FNIP1: variants seen among roughly 807,000 people sequenced by gnomAD.
FNIP1 encodes folliculin-interacting protein 1.
A neutral mutation model predicts 124.5 loss-of-function variants in FNIP1; 40 were observed. That is an observed-to-expected ratio of 0.32 (90% confidence interval 0.25 to 0.42). The LOEUF is 0.42. Among genes scored for constraint, FNIP1 ranks in the 10% least tolerant of loss-of-function variants. FNIP1 has a pLI of 1.00. For synonymous variants in FNIP1, 472 were observed against 470.6 expected, an observed-to-expected ratio of 1.00 and a Z score of -0.04; for missense variants, 1,176 against 1,403.7, an observed-to-expected ratio of 0.84 and a Z score of 2.59.
intron 1 of FNIP1, among the ~76,000 whole-genome samples, chr5:131,760,982 T>C (rs921081987): frequency 9.9e-5 from 15 of 152,022 alleles, no homozygotes; most frequent in South Asian, 2.1e-4. Context: ...ACATTCCCAA[T>C]ACAGCAACAT....
Position 131,792,247 on chromosome 5 carries a change from G to A in FNIP1, c.92+4583C>T, listed in dbSNP as rs534735025. Among the ~76,000 whole-genome samples the A allele has an allele frequency of 9.4e-5, 14 of 148,354 alleles. 3 individuals are homozygous for A. The highest frequency in any genetic ancestry group is 3.3e-4 in the African/African-American group (13 of 39,680). On this transcript the variant is annotated intron_variant, in intron 1 of 17. Coordinates refer to ENST00000510461, the MANE Select transcript of FNIP1 (RefSeq NM_133372.3). ...GCGATCTCAGCTCACTGCAACCTCC[G>A]CCTCCCGGGTTCAAGCGATTCTCCT... is the stretch of plus-strand genomic sequence containing the variant.
Position 131,733,589 on chromosome 5 carries a change from C to T in FNIP1, c.220-2551G>A, listed in dbSNP as rs199957524. 2.9e-3 allele frequency among the ~76,000 whole-genome samples: 436 copies of T among 151,910 alleles called. 2 individuals are homozygous for T. The highest frequency in any genetic ancestry group is 4.3e-3 in the Non-Finnish European group (289 of 67,924). On this transcript the variant is annotated intron_variant, in intron 2 of 17. Transcript: ENST00000510461. ...TTTTCTGCATCTATTGAGATAATCA[C>T]GTGGTTTTTGTCTTTGGTTCTGTTT...
intron 11 of FNIP1, among the ~76,000 whole-genome samples, chr5:131,689,368 A>T (rs533538465): frequency 6.6e-6 from 1 of 152,214 alleles, no homozygotes; most frequent in African/African-American, 2.4e-5. Flanking sequence ...ACATAAAAAG[A>T]GTATCCAAAA....
intron 2 of FNIP1, among the ~76,000 whole-genome samples, chr5:131,733,809 G>A (rs893731378): frequency 4.6e-5 from 7 of 152,214 alleles, no homozygotes; most frequent in African/African-American, 1.7e-4. Flanking sequence ...TTGTGTCTCT[G>A]CCAGGCTTTG....
intron 2 of FNIP1, among the ~76,000 whole-genome samples, chr5:131,736,451 C>T (rs1211305301): frequency 6.6e-6 from 1 of 152,164 alleles, no homozygotes; most frequent in Non-Finnish European, 1.5e-5. Context: ...TTTCATCAGT[C>T]AACAAAAGTA....
intron 13 of FNIP1, among the ~76,000 whole-genome samples, chr5:131,677,387 T>C (rs937262573): frequency 3.9e-5 from 6 of 152,254 alleles, no homozygotes; most frequent in Non-Finnish European, 5.9e-5. Flanking sequence ...CCGGTGACTG[T>C]TGATTTATTC....
At chr5:131,737,213 C>T (rs1193290125) in intron 2 of FNIP1, among the ~76,000 whole-genome samples, 1 of 152,180 alleles carries the variant, frequency 6.6e-6, no homozygotes, top group Non-Finnish European at 1.5e-5. Flanking sequence ...ACCTTGTCCC[C>T]TCATTACAGG....
intron 6 of FNIP1, among the ~76,000 whole-genome samples, chr5:131,715,027 C>T (rs1432711029): frequency 6.6e-6 from 1 of 152,100 alleles, no homozygotes; most frequent in African/African-American, 2.4e-5. Flanking sequence ...CACAAAAAAT[C>T]CTTGATTCAC....
At chr5:131,758,963 T>A (rs945419563) in intron 1 of FNIP1, among the ~76,000 whole-genome samples, 6 of 151,990 alleles carry the variant, frequency 3.9e-5, no homozygotes, top group African/African-American at 1.2e-4. Context: ...ACACAGCATA[T>A]CTGTGGTGTT....
chr5:131,655,658 C>T (rs924850333), intron 15 of FNIP1, among the ~76,000 whole-genome samples: 6 of 152,144 alleles, frequency 3.9e-5, no homozygotes, highest in African/African-American at 1.2e-4. Context: ...GGAGCAGTTC[C>T]GCTCTCCAAT....
At position 131,793,499 on chromosome 5, in the gene FNIP1, A is replaced by G. The variant is rs114571200; in HGVS notation, c.92+3331T>C. ...AATTACTGTCTCAATTCTATAAATG[A>G]CTGAAAAAATACACTCCCCATAATA... is the stretch of plus-strand genomic sequence containing the variant. On this transcript the variant is annotated intron_variant, in intron 1 of 17. Coordinates refer to ENST00000510461, the MANE Select transcript of FNIP1 (RefSeq NM_133372.3). 9.5e-3 allele frequency among the ~76,000 whole-genome samples: 1,452 copies of G among 152,290 alleles called. 24 individuals are homozygous for G. Among genetic ancestry groups the G allele is most frequent in the African/African-American group, 0.032 (1,348 of 41,554 alleles).
chr5:131,691,150 C>A (rs754990124), intron 11 of FNIP1, among the ~76,000 whole-genome samples: 1 of 152,148 alleles, frequency 6.6e-6, no homozygotes, highest in African/African-American at 2.4e-5. Flanking sequence ...ACAAATCATA[C>A]AATGTATGTT....
chr5:131,773,333 G>C (rs569185219), intron 1 of FNIP1, among the ~76,000 whole-genome samples: 1 of 152,254 alleles, frequency 6.6e-6, no homozygotes, highest in African/African-American at 2.4e-5. Context: ...ACTACCCACT[G>C]AAGTGTCAGT....
At chr5:131,647,272 C>A in intron 16 of FNIP1, 67 bp from the exon 17 acceptor site, 1 of 1,120,208 alleles carries the variant, frequency 8.9e-7, no homozygotes, top group Non-Finnish European at 1.4e-6. Context: ...ATGGCAAACT[C>A]CAAAACATAA....
chr5:131,784,439 ATG>A (rs536185694), intron 1 of FNIP1, among the ~76,000 whole-genome samples: 5 of 152,028 alleles, frequency 3.3e-5, no homozygotes, highest in South Asian at 2.1e-4. Flanking sequence ...AAGGGTATGT[ATG>A]TGTGTGTGTG....
chr5:131,782,481 C>T lies in FNIP1; in HGVS notation c.92+14349G>A, dbSNP rs1041070985. Among the ~76,000 whole-genome samples, 3 of 152,170 alleles carry T rather than the reference C, an allele frequency of 2.0e-5. No homozygotes were observed. The East Asian group carries it at 5.8e-4, about 29-fold the overall frequency. ...CTACTCAGGAGGCTGACGTGGGAGG[C>T]TTGAGCCCGCGAGGCAGAGGTTACA... On this transcript the variant is annotated intron_variant, in intron 1 of 17. Coordinates refer to ENST00000510461, the MANE Select transcript of FNIP1 (RefSeq NM_133372.3).
At chr5:131,711,639 T>C (rs1449892859) in intron 6 of FNIP1, among the ~76,000 whole-genome samples, 2 of 152,142 alleles carry the variant, frequency 1.3e-5, no homozygotes, top group African/African-American at 2.4e-5. Flanking sequence ...GGACTACAGG[T>C]GCATGCCACC....
At position 131,683,690 on chromosome 5, in the gene FNIP1, T is replaced by C. The variant is rs895412355; in HGVS notation, c.1203-4515A>G. Among the ~76,000 whole-genome samples, 5 of 152,348 alleles carry C rather than the reference T, an allele frequency of 3.3e-5. No homozygotes were observed. In the East Asian group the frequency reaches 9.6e-4, roughly 29 times the overall value. On this transcript the variant is annotated intron_variant, in intron 11 of 17. Transcript: ENST00000510461. ...ATTGCAGTTAATTTTTATTGGTTTTTCTTTTTCAAATATTTTGATCCGAGG... is the reference window on the plus strand; with the variant it reads ...ATTGCAGTTAATTTTTATTGGTTTTCCTTTTTCAAATATTTTGATCCGAGG...
In FNIP1 at chr5:131,642,343, GA is replaced by G. The variant is rs910007122; in HGVS notation, c.*2341del. 6.6e-6 allele frequency: 1 copy of G among 152,424 alleles called. No individual in the cohort carries two copies. Among genetic ancestry groups the G allele is most frequent in the Non-Finnish European group, 1.5e-5 (1 of 68,018 alleles). 9.4% of individuals were successfully genotyped at this position (152,424 alleles called of 1,614,324 possible). ...CTCAGGAATGGGAAGCAGTGGGGAG[GA>G]ACAAAACAGTAACTCAGGAATCCTA... On this transcript the variant is annotated 3_prime_UTR_variant, in exon 18 of 18. Coordinates refer to ENST00000510461, the MANE Select transcript of FNIP1 (RefSeq NM_133372.3).
Sources: gnomAD v4.1 joint callset for allele counts (sites outside exome capture counted in the v4.1 genomes callset) on GRCh38, gnomAD v4.1.1 for gene constraint, MANE v1.5 for transcripts, NCBI Gene and HGNC (gene_info 2026-07-23, HGNC 2026-07-21) for gene names.